The following USP9X variants were observed in gnomAD, a reference collection of about 807,000 sequenced individuals.
The protein encoded by USP9X is ubiquitin specific peptidase 9 X-linked, also known as ubiquitin carboxyl-terminal hydrolase 9X.
A neutral mutation model predicts 190.3 loss-of-function variants in USP9X; 7 were observed. That is an observed-to-expected ratio of 0.04 (90% confidence interval 0.02 to 0.07). The LOEUF (loss-of-function observed/expected upper bound fraction) is 0.07. Ranked by LOEUF, USP9X falls within the 10% of genes least tolerant of loss-of-function variation. The pLI is 1.00. For synonymous variants in USP9X, 645 were observed against 659.5 expected (o/e 0.98, Z 0.34); for missense variants, 1,010 against 1,916.9 (o/e 0.53, Z 8.83).
At chrX:41,158,283 C>T (rs2062596907) in intron 14 of USP9X, among the ~76,000 whole-genome samples, 1 of 110,969 alleles carries the variant, frequency 9.0e-6, no homozygotes, top group African/African-American at 3.3e-5. Flanking sequence ...GCAAAGAGCC[C>T]CAGACTGAGA....
At chrX:41,121,539 A>G (rs2062190190) in intron 1 of USP9X, among the ~76,000 whole-genome samples, 1 of 111,863 alleles carries the variant, frequency 8.9e-6, no homozygotes, top group African/African-American at 3.3e-5. Flanking sequence ...TAAGTTTTAT[A>G]TACCATGGTA....
intron 9 of USP9X, among the ~76,000 whole-genome samples, chrX:41,142,574 C>T (rs1013326428): frequency 2.7e-5 from 3 of 112,214 alleles, no homozygotes; most frequent in Non-Finnish European, 5.6e-5. Flanking sequence ...GAGACATGTA[C>T]TTCTCTAGCA....
intron 26 of USP9X, among the ~76,000 whole-genome samples, chrX:41,190,229 TTGAAA>T (rs1375927326): frequency 2.7e-5 from 3 of 112,119 alleles, no homozygotes; most frequent in African/African-American, 9.7e-5. Flanking sequence ...AAGTCATTTG[TTGAAA>T]TGAAACATAG....
chrX:41,177,826 A>G (rs1206982708), intron 21 of USP9X, among the ~76,000 whole-genome samples: 1 of 110,378 alleles, frequency 9.1e-6, no homozygotes, highest in Non-Finnish European at 1.9e-5. Context: ...TATTTTATTC[A>G]TTGGGTTATA....
At chrX:41,116,092 G>A (rs2062146200) in intron 1 of USP9X, among the ~76,000 whole-genome samples, 1 of 112,111 alleles carries the variant, frequency 8.9e-6, no homozygotes, top group Non-Finnish European at 1.9e-5. Context: ...TTTTCCCATT[G>A]TGGAAGATGT....
At chrX:41,185,828 G>GA (rs1167925782) in intron 23 of USP9X, among the ~76,000 whole-genome samples, 33 of 110,841 alleles carry the variant, frequency 3.0e-4, no homozygotes, top group African/African-American at 8.5e-4. Context: ...TGCCACTATG[G>GA]ATACAGAGGT....
chrX:41,088,717 T>TA (rs1036541321), intron 1 of USP9X, among the ~76,000 whole-genome samples: 20 of 111,557 alleles, frequency 1.8e-4, no homozygotes, highest in African/African-American at 6.2e-4. Flanking sequence ...TAGCCTACAT[T>TA]ATGTTTCCCC....
chrX:41,147,069 C>T (rs984507092), intron 11 of USP9X, among the ~76,000 whole-genome samples: 1 of 111,149 alleles, frequency 9.0e-6, no homozygotes, highest in Non-Finnish European at 1.9e-5. Context: ...TCTTTTAAGT[C>T]TCTTTGAAAC....
Position 41,197,345 on chromosome X carries a change from C to A in USP9X, c.4234-19C>A. 1.3e-6 allele frequency: 1 copy of A among 795,623 alleles called. No homozygotes were observed. The highest frequency in any genetic ancestry group is 1.6e-6 in the Non-Finnish European group (1 of 620,984). 65.6% of individuals were successfully genotyped at this position (795,623 alleles called of 1,213,427 possible). ...ATTTGATTTCTTCCCCCCCCCACCC[C>A]ACCCCCCGCCTTTGGCAGGATGATG... On this transcript the variant is annotated intron_variant, in intron 28 of 44. Coordinates refer to ENST00000378308, the MANE Select transcript of USP9X (RefSeq NM_001039591.3).
intron 21 of USP9X, among the ~76,000 whole-genome samples, chrX:41,180,704 A>G (rs1376421501): frequency 1.8e-5 from 2 of 112,091 alleles, no homozygotes; most frequent in African/African-American, 3.2e-5. Flanking sequence ...GAAACAATGT[A>G]TGGAAAACCC....
At chrX:41,130,162 G>C (rs1360967650) in intron 3 of USP9X, among the ~76,000 whole-genome samples, 1 of 111,156 alleles carries the variant, frequency 9.0e-6, no homozygotes, top group African/African-American at 3.3e-5. Context: ...TTTGTAACTT[G>C]CTTTCATTTA....
rs771276603 is a variant in USP9X at position 41,123,658 on chromosome X, C to T, written c.30C>T (p.Val10=). 5.2e-5 allele frequency: 63 copies of T among 1,209,876 alleles called. No individual in the cohort carries two copies. In the South Asian group the frequency reaches 6.9e-4, roughly 13 times the overall value. MTATTRGSP[V]GGNDNQGQAP... ...CAGCCACGACTCGTGGCTCTCCGGT[C>T]GGAGGGAATGACAACCAGGGCCAGG... Residue 10 remains valine (V), a synonymous_variant, in exon 2 of 45, where the codon GTC becomes GTT. Transcript: ENST00000378308.
At chrX:41,110,248 A>AT (rs1185842823) in intron 1 of USP9X, among the ~76,000 whole-genome samples, 1 of 112,065 alleles carries the variant, frequency 8.9e-6, no homozygotes, top group Non-Finnish European at 1.9e-5. Context: ...TTATAACATG[A>AT]TTTTTTATTC....
chrX:41,160,193 G>A (rs1789674727), intron 14 of USP9X, among the ~76,000 whole-genome samples: 1 of 108,939 alleles, frequency 9.2e-6, no homozygotes, highest in South Asian at 4.0e-4. Flanking sequence ...TGTTTTCAGC[G>A]GGATATTTGC....
chrX:41,098,234 G>A (rs1390410861), intron 1 of USP9X, among the ~76,000 whole-genome samples: 1 of 106,628 alleles, frequency 9.4e-6, no homozygotes, highest in Non-Finnish European at 1.9e-5. Context: ...TCCATCTCCT[G>A]GGTTCAAGCG....
chrX:41,224,630 C>A, intron 39 of USP9X, 112 bp from the exon 40 acceptor site: 1 of 681,820 alleles, frequency 1.5e-6, no homozygotes, highest in African/African-American at 2.3e-5. Context: ...AGCGAGACTC[C>A]ATCTTAAAAA....
At chrX:41,131,720 A>C (rs2062319685) in intron 4 of USP9X, among the ~76,000 whole-genome samples, 184 bp downstream of exon 4, 1 of 111,906 alleles carries the variant, frequency 8.9e-6, no homozygotes, top group Non-Finnish European at 1.9e-5. Flanking sequence ...AGGTCACATA[A>C]AATTTATATT....
At position 41,232,444 on chromosome X, in the gene USP9X, C is replaced by G; in HGVS notation, c.7585C>G (p.Pro2529Ala). 8.3e-7 allele frequency: 1 copy of G among 1,211,078 alleles called. No homozygotes were observed. The highest frequency in any genetic ancestry group is 1.1e-6 in the Non-Finnish European group (1 of 895,236). Reference protein sequence around the residue: ...TGPAAHHMNNPQRTGQRAQEN... With the variant: ...TGPAAHHMNNAQRTGQRAQEN... Reference sequence around the variant, plus strand: ...CCCAGCAGCACATCACATGAACAACCCTCAGAGAACTGGCCAACGAGCACA... The same window carrying G: ...CCCAGCAGCACATCACATGAACAACGCTCAGAGAACTGGCCAACGAGCACA... Residue 2529 changes from proline to alanine, a missense_variant, in exon 45 of 45, where the codon CCT becomes GCT. Physicochemically the swap from Pro to Ala is conservative, Grantham distance 27. Transcript: ENST00000378308.
At position 41,233,840 on chromosome X, in the gene USP9X, A is replaced by G. The variant is rs2063381474; in HGVS notation, c.*1316A>G. 8.9e-6 allele frequency: 1 copy of G among 112,354 alleles called. No individual in the cohort carries two copies. Among genetic ancestry groups the G allele is most frequent in the Admixed American group, 9.5e-5 (1 of 10,502 alleles). 9.3% of individuals were successfully genotyped at this position (112,354 alleles called of 1,213,427 possible). A position where few individuals can be genotyped will look rare whatever the true frequency, so the allele number is the denominator to read the frequency against. ...ATACTGTATTTAAAAGAGAATTGGT[A>G]ACTTGAATGTGTGTAATTTTTTGGA... is the stretch of plus-strand genomic sequence containing the variant. On this transcript the variant is annotated 3_prime_UTR_variant, in exon 45 of 45. Coordinates refer to ENST00000378308, the MANE Select transcript of USP9X (RefSeq NM_001039591.3).
Sources: gnomAD v4.1 joint callset for allele counts (sites outside exome capture counted in the v4.1 genomes callset) on GRCh38, gnomAD v4.1.1 for gene constraint, MANE v1.5 for transcripts, NCBI Gene and HGNC (gene_info 2026-07-23, HGNC 2026-07-21) for gene names.